Variants in GRIA2 observed in about 807,000 individuals in gnomAD.
GRIA2 encodes the protein glutamate receptor 2.
A neutral mutation model predicts 97.3 loss-of-function variants in GRIA2; 14 were observed. The observed-to-expected ratio is 0.14, with a 90% CI of 0.10 to 0.23. The LOEUF (loss-of-function observed/expected upper bound fraction) is 0.23, where lower values mean the gene tolerates loss of function less well. Ranked by LOEUF, GRIA2 falls within the 10% of genes least tolerant of loss-of-function variation. The probability of loss-of-function intolerance (pLI) is 1.00; values close to 1 mark genes in which losing one functional copy is unlikely to be tolerated. For synonymous variants in GRIA2, 412 were observed against 387.8 expected (o/e 1.06, Z -0.73); for missense variants, 558 against 1,069.8 (o/e 0.52, Z 6.67).
rs1177120085 is a variant in GRIA2, at chr4:157,365,226, AC to A, written c.*1796del. 6.6e-6 allele frequency: 1 copy of A among 151,668 alleles called. No homozygotes were observed. Among genetic ancestry groups the A allele is most frequent in the African/African-American group, 2.4e-5 (1 of 41,378 alleles). 9.4% of individuals were successfully genotyped at this position (151,668 alleles called of 1,614,324 possible). On this transcript the variant is annotated 3_prime_UTR_variant, in exon 16 of 16. Coordinates refer to ENST00000264426, the MANE Select transcript of GRIA2 (RefSeq NM_001083619.3). ...GGCATGTGGTATCATGATATTCTTC[AC>A]TAAATTTAGCTGTCCCTAATCACAG...
chr4:157,303,257 T>C (rs1291783254), intron 2 of GRIA2, among the ~76,000 whole-genome samples: 2 of 152,202 alleles, frequency 1.3e-5, no homozygotes, highest in African/African-American at 4.8e-5. Context: ...TTTTTACCCA[T>C]ACATTTTTCA....
At chr4:157,222,456 G>T (rs1729542176) in intron 2 of GRIA2, among the ~76,000 whole-genome samples, 1 of 152,194 alleles carries the variant, frequency 6.6e-6, no homozygotes, top group African/African-American at 2.4e-5. Flanking sequence ...GCAGGCTCAG[G>T]CCGGCCGGGT....
chr4:157,358,384 A>G lies in GRIA2; in HGVS notation c.2044-1512A>G, dbSNP rs538326818. On this transcript the variant is annotated intron_variant, in intron 12 of 15. Transcript: ENST00000264426. ...TAGCTGGGGTCCTAGTAAAATTTTC[A>G]CTCTCATAGATATGCTTTTACAACA... Among the ~76,000 whole-genome samples the G allele has an allele frequency of 5.3e-5, 8 of 152,270 alleles. No individual in the cohort carries two copies. In the South Asian group the frequency reaches 1.2e-3, roughly 24 times the overall value.
chr4:157,338,281 T>C (rs1735396471), intron 11 of GRIA2, among the ~76,000 whole-genome samples: 1 of 151,766 alleles, frequency 6.6e-6, no homozygotes, highest in Non-Finnish European at 1.5e-5. Context: ...AGTTCTGAAA[T>C]GTAAGGCAAT....
intron 2 of GRIA2, among the ~76,000 whole-genome samples, chr4:157,229,093 A>C (rs1729886074): frequency 6.6e-6 from 1 of 152,102 alleles, no homozygotes; most frequent in Non-Finnish European, 1.5e-5. Flanking sequence ...GAATCACAAA[A>C]GTATTATTTT....
intron 2 of GRIA2, among the ~76,000 whole-genome samples, chr4:157,264,764 G>A (rs1194332223): frequency 6.6e-6 from 1 of 152,124 alleles, no homozygotes; most frequent in African/African-American, 2.4e-5. Flanking sequence ...AGCTAGCAAG[G>A]TGAACTCAGA....
chr4:157,221,905 TGTGTGTCA>T, intron 2 of GRIA2, 98 bp downstream of exon 2: 1 of 1,048,112 alleles, frequency 9.5e-7, no homozygotes, highest in Non-Finnish European at 1.5e-6. Context: ...TGTGCGTTTC[TGTGTGTCA>T]GTGTGTGGGT....
At chr4:157,223,425 G>C (rs1433493336) in intron 2 of GRIA2, among the ~76,000 whole-genome samples, 1 of 152,138 alleles carries the variant, frequency 6.6e-6, no homozygotes, top group Non-Finnish European at 1.5e-5. Context: ...GAATTAAAGT[G>C]GATTTGCAGC....
At chr4:157,254,152 A>T (rs954869964) in intron 2 of GRIA2, among the ~76,000 whole-genome samples, 3 of 152,002 alleles carry the variant, frequency 2.0e-5, no homozygotes, top group African/African-American at 7.2e-5. Flanking sequence ...GAAGTTTTTT[A>T]ATTGTTGGGG....
intron 2 of GRIA2, among the ~76,000 whole-genome samples, chr4:157,235,888 T>G (rs1730222217): frequency 6.6e-6 from 1 of 152,036 alleles, no homozygotes. Flanking sequence ...AGAAGCTAGT[T>G]GCAGGTTTTA....
At chr4:157,278,311 A>G (rs1179275314) in intron 2 of GRIA2, among the ~76,000 whole-genome samples, 1 of 151,908 alleles carries the variant, frequency 6.6e-6, no homozygotes, top group Non-Finnish European at 1.5e-5. Context: ...GAGCCCAGCA[A>G]TAGACTCATA....
intron 2 of GRIA2, among the ~76,000 whole-genome samples, chr4:157,228,879 C>A (rs960232394): frequency 9.0e-6 from 1 of 111,524 alleles, no homozygotes; most frequent in African/African-American, 3.5e-5. Flanking sequence ...AACCTTGTTA[C>A]AAGTGGGTAG....
intron 2 of GRIA2, among the ~76,000 whole-genome samples, chr4:157,275,687 G>T (rs1448472490): frequency 6.6e-6 from 1 of 152,044 alleles, no homozygotes; most frequent in African/African-American, 2.4e-5. Context: ...GTAGATATGT[G>T]GCATTATTTC....
intron 2 of GRIA2, among the ~76,000 whole-genome samples, chr4:157,259,519 T>G (rs999849710): frequency 3.9e-5 from 6 of 152,164 alleles, no homozygotes; most frequent in Non-Finnish European, 7.4e-5. Context: ...GGCCATTTTA[T>G]GTTCACAGAT....
intron 2 of GRIA2, among the ~76,000 whole-genome samples, chr4:157,245,318 C>T (rs754782694): frequency 5.3e-5 from 8 of 151,976 alleles, no homozygotes; most frequent in African/African-American, 1.4e-4. Context: ...ATGGAATGAA[C>T]TCTACCTTGC....
At position 157,220,961 on chromosome 4, in the gene GRIA2, G is replaced by T. The variant is rs1262535744; in HGVS notation, c.-82G>T. On this transcript the variant is annotated 5_prime_UTR_variant, in exon 1 of 16. Coordinates refer to ENST00000264426, the MANE Select transcript of GRIA2 (RefSeq NM_001083619.3). ...TCTCAAAATGCAGAGGATCTAATTTGCAGAGGAAAACAGCCAAAGAAGGAA... is the reference window on the plus strand; with the variant it reads ...TCTCAAAATGCAGAGGATCTAATTTTCAGAGGAAAACAGCCAAAGAAGGAA... 1.0e-5 allele frequency: 8 copies of T among 769,578 alleles called. No homozygotes were observed. The highest frequency in any genetic ancestry group is 1.9e-5 in the Non-Finnish European group (8 of 424,496). The allele number at this position is 769,578 out of a possible 1,614,324, so 47.7% of individuals were successfully genotyped here.
chr4:157,337,970 G>C (rs1735362548), intron 11 of GRIA2, among the ~76,000 whole-genome samples: 1 of 137,776 alleles, frequency 7.3e-6, no homozygotes, highest in Admixed American at 7.7e-5. Context: ...TATGCCAATG[G>C]AATTTGCACA....
intron 4 of GRIA2, among the ~76,000 whole-genome samples, chr4:157,316,206 C>G (rs1292153848): frequency 6.6e-6 from 1 of 152,152 alleles, no homozygotes; most frequent in Non-Finnish European, 1.5e-5. Flanking sequence ...CATAATCAAT[C>G]TGATTCAGCT....
Position 157,317,657 on chromosome 4 carries a change from G to A in GRIA2, c.667-1G>A. 9.1e-7 allele frequency: 1 copy of A among 1,100,428 alleles called. No homozygotes were observed. 68.2% of individuals were successfully genotyped at this position (1,100,428 alleles called of 1,614,324 possible). A position where few individuals can be genotyped will look rare whatever the true frequency, so the allele number is the denominator to read the frequency against. On this transcript the variant is annotated splice_acceptor_variant, in intron 4 of 15. Transcript: ENST00000264426. LOFTEE classifies it high-confidence loss of function. ...AATAATTACTTATTTGTGCTTATTA[G>A]GTTATTACCATTGGAAAACATGTTA...
Sources: gnomAD v4.1 joint callset for allele counts (sites outside exome capture counted in the v4.1 genomes callset) on GRCh38, gnomAD v4.1.1 for gene constraint, MANE v1.5 for transcripts, NCBI Gene and HGNC (gene_info 2026-07-23, HGNC 2026-07-21) for gene names.